The following PACRG variants were observed in gnomAD, a reference collection of about 807,000 sequenced individuals.
The protein encoded by PACRG is parkin coregulated gene protein.
A neutral mutation model predicts 29.7 loss-of-function variants in PACRG; 29 were observed. The observed-to-expected ratio is 0.98, with a 90% CI of 0.73 to 1.33. The LOEUF (loss-of-function observed/expected upper bound fraction) is 1.33. PACRG is among the 40% of genes most tolerant of loss of function. The pLI is 0.00. For missense variants in PACRG, 279 were observed against 316.2 expected (o/e 0.88, Z 0.89); for synonymous variants, 116 against 118.7 (o/e 0.98, Z 0.15).
intron 2 of PACRG, among the ~76,000 whole-genome samples, chr6:163,046,202 A>T (rs1554343858): frequency 6.6e-6 from 1 of 150,782 alleles, no homozygotes; most frequent in Non-Finnish European, 1.5e-5. Context: ...TCCTCTGCCC[A>T]GAACACTCAC....
chr6:163,065,026 T>C (rs1271177698), intron 3 of PACRG, among the ~76,000 whole-genome samples: 1 of 152,142 alleles, frequency 6.6e-6, no homozygotes, highest in African/African-American at 2.4e-5. Context: ...GTTTCTAATA[T>C]GATAACAAAC....
At chr6:163,054,707 A>G (rs1394795408) in intron 2 of PACRG, among the ~76,000 whole-genome samples, 1 of 152,142 alleles carries the variant, frequency 6.6e-6, no homozygotes, top group African/African-American at 2.4e-5. Context: ...AGTCCCTGCT[A>G]GGGTGCTTCC....
intron 2 of PACRG, chr6:163,042,475 C>T (rs1585070102): frequency 6.6e-6 from 1 of 152,114 alleles, no homozygotes; most frequent in African/African-American, 2.4e-5. Context: ...CTGTAGGCTT[C>T]AATGAGTTAA....
At chr6:163,132,778 G>C (rs1399950788) in intron 4 of PACRG, among the ~76,000 whole-genome samples, 17 of 152,180 alleles carry the variant, frequency 1.1e-4, no homozygotes, top group Admixed American at 1.1e-3. Flanking sequence ...ATATTTAATA[G>C]CAATTTAGAT....
chr6:163,197,377 G>T (rs1246257674), intron 4 of PACRG, among the ~76,000 whole-genome samples: 2 of 149,946 alleles, frequency 1.3e-5, no homozygotes, highest in African/African-American at 4.9e-5. Flanking sequence ...TGTCATAAAA[G>T]TACAGTCCCA....
intron 4 of PACRG, among the ~76,000 whole-genome samples, chr6:163,206,412 A>G (rs1258179577): frequency 2.6e-5 from 4 of 152,182 alleles, no homozygotes. Context: ...TTTTGCAGCA[A>G]CATGGATAGA....
chr6:163,243,099 C>A (rs1782562005), intron 4 of PACRG, among the ~76,000 whole-genome samples: 2 of 152,234 alleles, frequency 1.3e-5, no homozygotes, highest in Admixed American at 1.3e-4. Flanking sequence ...CCGCATTGGA[C>A]TTTTCTGCCT....
chr6:163,181,604 C>CAAAAA (rs544633309), intron 4 of PACRG, among the ~76,000 whole-genome samples: 1 of 65,102 alleles, frequency 1.5e-5, no homozygotes, highest in Non-Finnish European at 2.7e-5. Context: ...CTTGAGGTGG[C>CAAAAA]AAAAAAAAAA....
rs1816224036 is a variant in PACRG, at chr6:163,120,619, GA to G, written c.613+31214del. ...TTAAGTGCCTACTATGTGCAAGGCAGAAATCTGCGTCTACTTTCTCCTCATC... is the reference window on the plus strand; with the variant it reads ...TTAAGTGCCTACTATGTGCAAGGCAGAATCTGCGTCTACTTTCTCCTCATC... On this transcript the variant is annotated intron_variant, in intron 4 of 4. Coordinates refer to ENST00000366888, the MANE Select transcript of PACRG (RefSeq NM_001080379.2). 3.3e-5 allele frequency among the ~76,000 whole-genome samples: 5 copies of G among 152,224 alleles called. No individual in the cohort carries two copies. In the South Asian group the frequency reaches 1.0e-3, roughly 32 times the overall value.
intron 2 of PACRG, among the ~76,000 whole-genome samples, chr6:162,885,533 A>G (rs1388698243): frequency 6.6e-6 from 1 of 152,088 alleles, no homozygotes; most frequent in Non-Finnish European, 1.5e-5. Flanking sequence ...GGCCTCCCAA[A>G]GTGCTGGGAT....
intron 1 of PACRG, among the ~76,000 whole-genome samples, chr6:162,756,513 C>T (rs1041569688): frequency 1.3e-5 from 2 of 152,102 alleles, no homozygotes; most frequent in Non-Finnish European, 2.9e-5. Context: ...TCCAGGCCTA[C>T]ATTTTCAGTC....
chr6:163,176,796 G>A (rs1779382592), intron 4 of PACRG, among the ~76,000 whole-genome samples: 1 of 152,228 alleles, frequency 6.6e-6, no homozygotes, highest in African/African-American at 2.4e-5. Context: ...CGTGAGTAAC[G>A]TCTTTGAACA....
intron 2 of PACRG, among the ~76,000 whole-genome samples, chr6:162,844,267 C>A (rs1375506388): frequency 1.3e-5 from 2 of 152,192 alleles, no homozygotes; most frequent in South Asian, 2.1e-4. Context: ...GGGCGTAGGA[C>A]CCTCCGAGCC....
In PACRG at chr6:163,057,706, A is replaced by G. The variant is rs76281570; in HGVS notation, c.292-4444A>G. 1.1e-3 allele frequency among the ~76,000 whole-genome samples: 160 copies of G among 152,376 alleles called. 3 individuals carry two copies. In the East Asian group the frequency reaches 0.017, roughly 16 times the overall value. Reference sequence around the variant, plus strand: ...TCTGCTTTTTAAAAGCCTCAAGGCTAGGAGCCAAGCCAAGGATTCACCATT... The same window carrying G: ...TCTGCTTTTTAAAAGCCTCAAGGCTGGGAGCCAAGCCAAGGATTCACCATT... On this transcript the variant is annotated intron_variant, in intron 2 of 4. Coordinates refer to ENST00000366888, the MANE Select transcript of PACRG (RefSeq NM_001080379.2).
chr6:163,084,419 A>G (rs1429839302), intron 3 of PACRG, among the ~76,000 whole-genome samples: 1 of 152,238 alleles, frequency 6.6e-6, no homozygotes, highest in Non-Finnish European at 1.5e-5. Flanking sequence ...TTCTCTGAGA[A>G]TGAAGAAGAG....
rs139366055 is a variant in PACRG, at chr6:163,133,616, A to G, written c.613+44208A>G. ...TGCCTGTCCACGGAGTCTGTGCCAC[A>G]AGCAAAGAGATGCTGTATGTCTTGC... On this transcript the variant is annotated intron_variant, in intron 4 of 4. Coordinates refer to ENST00000366888, the MANE Select transcript of PACRG (RefSeq NM_001080379.2). Among the ~76,000 whole-genome samples, 88 of 152,314 alleles carry G rather than the reference A, an allele frequency of 5.8e-4. No individual in the cohort carries two copies. In the East Asian group the frequency reaches 0.016, roughly 28 times the overall value.
intron 1 of PACRG, among the ~76,000 whole-genome samples, chr6:162,754,172 G>T (rs1781723117): frequency 6.6e-6 from 1 of 152,068 alleles, no homozygotes; most frequent in Non-Finnish European, 1.5e-5. Flanking sequence ...TTTGATACAA[G>T]CCATTCTAAC....
At chr6:163,029,289 G>T (rs1443289657) in intron 2 of PACRG, among the ~76,000 whole-genome samples, 2 of 152,194 alleles carry the variant, frequency 1.3e-5, no homozygotes, top group African/African-American at 4.8e-5. Context: ...TCTCAGACTT[G>T]TGACTTCAGA....
intron 2 of PACRG, among the ~76,000 whole-genome samples, chr6:162,951,411 T>G (rs1029343454): frequency 2.6e-5 from 4 of 152,228 alleles, no homozygotes; most frequent in African/African-American, 9.6e-5. Context: ...CTCTGATTGA[T>G]TGGCCTCCAA....
Sources: allele counts gnomAD v4.1 joint callset (sites outside exome capture counted in the v4.1 genomes callset), GRCh38; gene constraint gnomAD v4.1.1; transcripts MANE v1.5; gene names NCBI Gene and HGNC (gene_info 2026-07-23, HGNC 2026-07-21).